ADAM22: variants seen among roughly 807,000 people sequenced by gnomAD.
ADAM22 encodes ADAM metallopeptidase domain 22, also known as disintegrin and metalloproteinase domain-containing protein 22.
In ADAM22, 65 loss-of-function variants were observed where a neutral mutation model predicts 144.6. The observed-to-expected ratio is 0.45, with a 90% CI of 0.37 to 0.55. ADAM22 has a LOEUF of 0.55. Among genes scored for constraint, ADAM22 ranks in the 20% least tolerant of loss-of-function variants. ADAM22 has a pLI of 0.00. For synonymous variants in ADAM22, 391 were observed against 412.6 expected (o/e 0.95, Z 0.63); for missense variants, 974 against 1,184.9 (o/e 0.82, Z 2.61).
chr7:88,063,947 C>T (rs1325990600), intron 3 of ADAM22, among the ~76,000 whole-genome samples: 1 of 152,136 alleles, frequency 6.6e-6, no homozygotes, highest in Non-Finnish European at 1.5e-5. Context: ...GGAGACTGAG[C>T]TCCACCAAAA....
chr7:88,105,095 C>A (rs911897492), intron 4 of ADAM22, among the ~76,000 whole-genome samples: 1 of 151,972 alleles, frequency 6.6e-6, no homozygotes, highest in Non-Finnish European at 1.5e-5. Flanking sequence ...TCCAGAGTTG[C>A]GTTTTTGAAG....
At chr7:88,051,413 A>G (rs1806320768) in intron 3 of ADAM22, among the ~76,000 whole-genome samples, 1 of 152,216 alleles carries the variant, frequency 6.6e-6, no homozygotes, top group South Asian at 2.1e-4. Context: ...GACATGGATG[A>G]AGCTGGAAAC....
intron 3 of ADAM22, among the ~76,000 whole-genome samples, chr7:88,023,262 T>C (rs1264592841): frequency 6.6e-6 from 1 of 152,196 alleles, no homozygotes; most frequent in Non-Finnish European, 1.5e-5. Context: ...TTATTGATAT[T>C]GTTTTTAATT....
At chr7:88,001,599 A>C (rs1434646850) in intron 3 of ADAM22, among the ~76,000 whole-genome samples, 1 of 152,004 alleles carries the variant, frequency 6.6e-6, no homozygotes, top group Non-Finnish European at 1.5e-5. Flanking sequence ...CTAATTTTAT[A>C]GGCCTGTGTT....
rs970353235 is a variant in ADAM22, at chr7:88,132,017, A to G, written c.992+582A>G. ...CCAAATTTAGAGAAAAGTTGCAAGA[A>G]TACTACAAGGAAATTGCATATGCCC... On this transcript the variant is annotated intron_variant, in intron 11 of 31. Transcript: ENST00000413139. 6 of 152,254 alleles carry G rather than the reference A, an allele frequency of 3.9e-5. 1 individual carries two copies. Among genetic ancestry groups the G allele is most frequent in the Admixed American group, 1.3e-4 (2 of 15,276 alleles). 9.4% of individuals were successfully genotyped at this position (152,254 alleles called of 1,614,324 possible). A position where few individuals can be genotyped will look rare whatever the true frequency, so the allele number is the denominator to read the frequency against.
intron 28 of ADAM22, 75 bp downstream of exon 28, chr7:88,181,680 T>G: frequency 7.7e-7 from 1 of 1,297,380 alleles, no homozygotes; most frequent in Non-Finnish European, 1.1e-6. Flanking sequence ...TTGTAAAGAC[T>G]TTTATTTCTT....
chr7:88,027,496 C>T (rs1213304875), intron 3 of ADAM22, among the ~76,000 whole-genome samples: 2 of 152,154 alleles, frequency 1.3e-5, no homozygotes, highest in East Asian at 3.8e-4. Flanking sequence ...CCCATTTCTT[C>T]TAGCTTTTCC....
chr7:87,984,206 G>A (rs1854390706), intron 3 of ADAM22, among the ~76,000 whole-genome samples: 2 of 152,094 alleles, frequency 1.3e-5, no homozygotes, highest in African/African-American at 4.8e-5. Context: ...TCTGAGATTA[G>A]TCTCTAGCTT....
At position 87,982,382 on chromosome 7, in the gene ADAM22, G is replaced by T. The variant is rs182058842; in HGVS notation, c.323+3970G>T. Among the ~76,000 whole-genome samples, 68 of 151,744 alleles carry T rather than the reference G, an allele frequency of 4.5e-4. 1 individual carries two copies. Among genetic ancestry groups the T allele is most frequent in the African/African-American group, 1.5e-3 (64 of 41,352 alleles). On this transcript the variant is annotated intron_variant, in intron 3 of 31. Coordinates refer to ENST00000413139, the MANE Select transcript of ADAM22 (RefSeq NM_001324418.2). ...AGGAGGTGACATTTGAAAGTAAGGG[G>T]CCCCCATGCAGAGGGAACAGCAAGG...
At chr7:88,067,737 A>G (rs961300422) in intron 3 of ADAM22, among the ~76,000 whole-genome samples, 1 of 152,068 alleles carries the variant, frequency 6.6e-6, no homozygotes, top group Non-Finnish European at 1.5e-5. Context: ...TTACTTGATC[A>G]CATTTATTGT....
chr7:87,994,200 C>T (rs530321881), intron 3 of ADAM22, among the ~76,000 whole-genome samples: 7 of 149,080 alleles, frequency 4.7e-5, no homozygotes, highest in Non-Finnish European at 7.4e-5. Flanking sequence ...CTTGCTCTGT[C>T]GCCCAGGCTG....
chr7:88,163,177 T>G lies in ADAM22; in HGVS notation c.2073T>G (p.Asn691Lys). ...AAGAAGGCACTATTTGCTCAGGAAA[T>G]GGAGTAAGTATCCAGTACCTTGTCA... Reference protein sequence around the residue: ...SSKEGTICSGNGVCSNELKCV... With the variant: ...SSKEGTICSGKGVCSNELKCV... The change falls in exon 23 of 32, where the codon AAT (asparagine) becomes AAG (lysine). Residue 691 changes from asparagine (N) to lysine (K), a missense_variant. Asn to Lys is a moderately conservative substitution (Grantham distance 94). Around this residue, in one of 2 missense-constraint regions of ADAM22, gnomAD observed 734 missense variants for 950.6 expected, o/e 0.77. Transcript: ENST00000413139. The G allele has an allele frequency of 6.2e-7, 1 of 1,604,628 alleles. No homozygotes were observed. Among genetic ancestry groups the G allele is most frequent in the Non-Finnish European group, 8.5e-7 (1 of 1,176,586 alleles).
intron 3 of ADAM22, among the ~76,000 whole-genome samples, chr7:88,024,010 A>G (rs1382252988): frequency 6.6e-6 from 1 of 152,166 alleles, no homozygotes; most frequent in African/African-American, 2.4e-5. Context: ...ACGTTATTGC[A>G]AATGAAAAAA....
At chr7:87,994,656 C>T (rs1014623379) in intron 3 of ADAM22, among the ~76,000 whole-genome samples, 3 of 151,706 alleles carry the variant, frequency 2.0e-5, no homozygotes, top group African/African-American at 7.3e-5. Flanking sequence ...GCTTATAGCT[C>T]AGATTATAAC....
chr7:88,127,737 T>C (rs1157289477), intron 8 of ADAM22, among the ~76,000 whole-genome samples: 2 of 151,988 alleles, frequency 1.3e-5, no homozygotes, highest in East Asian at 3.9e-4. Flanking sequence ...ATCGCAAAAA[T>C]GGACCTTGGG....
chr7:88,193,413 A>G (rs1406370265), intron 31 of ADAM22, among the ~76,000 whole-genome samples, 174 bp downstream of exon 31: 2 of 152,242 alleles, frequency 1.3e-5, no homozygotes, highest in Non-Finnish European at 2.9e-5. Flanking sequence ...ATATTTGCAA[A>G]TAGTTTAATC....
intron 18 of ADAM22, 26 bp downstream of exon 18, chr7:88,149,083 A>G: frequency 6.3e-7 from 1 of 1,575,964 alleles, no homozygotes; most frequent in Non-Finnish European, 8.7e-7. Flanking sequence ...ACTGCTCTAA[A>G]ACTTATGGGA....
chr7:88,139,518 A>C (rs532936752), intron 14 of ADAM22, among the ~76,000 whole-genome samples: 1 of 152,286 alleles, frequency 6.6e-6, no homozygotes, highest in Admixed American at 6.5e-5. Flanking sequence ...GATATGTTGG[A>C]TAGATTAGAG....
At chr7:88,069,241 C>T (rs1178010354) in intron 3 of ADAM22, among the ~76,000 whole-genome samples, 1 of 151,846 alleles carries the variant, frequency 6.6e-6, no homozygotes, top group African/African-American at 2.4e-5. Flanking sequence ...TTCTCTCTCC[C>T]TCTCTCCTTC....
Sources: allele counts gnomAD v4.1 joint callset (sites outside exome capture counted in the v4.1 genomes callset), GRCh38; gene constraint gnomAD v4.1.1; regional missense constraint gnomAD v4.1.1; transcripts MANE v1.5; gene names NCBI Gene and HGNC (gene_info 2026-07-23, HGNC 2026-07-21).